Variants in MAN2A1 observed in about 807,000 individuals in gnomAD.
MAN2A1 encodes mannosidase alpha class 2A member 1.
MAN2A1 carries 76 observed loss-of-function variants against 142.6 expected under a neutral mutation model. That is an observed-to-expected ratio of 0.53 (90% CI 0.44 to 0.65). The LOEUF is 0.65. Among genes scored for constraint, MAN2A1 ranks in the 30% least tolerant of loss-of-function variants. The pLI is 0.00. For synonymous variants in MAN2A1, 559 were observed against 473.2 expected, an observed-to-expected ratio of 1.18 and a Z score of -2.35; for missense variants, 1,311 against 1,365.1, an observed-to-expected ratio of 0.96 and a Z score of 0.62.
At chr5:109,752,666 G>A (rs533906849) in intron 4 of MAN2A1, among the ~76,000 whole-genome samples, 121 of 152,302 alleles carry the variant, frequency 7.9e-4, no homozygotes, top group Middle Eastern at 3.4e-3. Flanking sequence ...AGCTATGAGG[G>A]CAGTTGAGAC....
At chr5:109,775,026 T>A in intron 8 of MAN2A1, 61 bp downstream of exon 8, 1 of 1,147,124 alleles carries the variant, frequency 8.7e-7, no homozygotes, top group Non-Finnish European at 1.2e-6. Context: ...TAAATGAGAC[T>A]ATAAACAGAA....
chr5:109,798,281 A>G (rs375841232), intron 12 of MAN2A1, among the ~76,000 whole-genome samples: 1 of 152,172 alleles, frequency 6.6e-6, no homozygotes, highest in Non-Finnish European at 1.5e-5. Context: ...AAAAATACCA[A>G]CTTCTGGTGA....
At chr5:109,696,666 A>G (rs183266010) in intron 1 of MAN2A1, among the ~76,000 whole-genome samples, 215 of 152,302 alleles carry the variant, frequency 1.4e-3, no homozygotes, top group African/African-American at 5.0e-3. Context: ...CCCTAGTTGT[A>G]GGAACCAACA....
At chr5:109,817,190 G>GTATATGTATATGTATATGTATATA in intron 12 of MAN2A1, 83 bp from the exon 13 acceptor site, 1 of 696,666 alleles carries the variant, frequency 1.4e-6, no homozygotes. Flanking sequence ...ATATGTATAT[G>GTATATGTATATGTATATGTATATA]TATATGTATA....
intron 7 of MAN2A1, among the ~76,000 whole-genome samples, chr5:109,773,901 GCTTTGT>G (rs1203082001): frequency 8.5e-5 from 13 of 152,094 alleles, no homozygotes; most frequent in Non-Finnish European, 1.9e-4. Flanking sequence ...GATTTCTTAA[GCTTTGT>G]CTTTGTAAAT....
intron 16 of MAN2A1, among the ~76,000 whole-genome samples, chr5:109,833,658 T>A (rs1580300683): frequency 1.4e-5 from 1 of 71,938 alleles, no homozygotes; most frequent in Non-Finnish European, 2.6e-5. Flanking sequence ...AGGGAGACGG[T>A]GGAGAGAGAG....
chr5:109,705,697 A>C lies in MAN2A1; in HGVS notation c.136-7823A>C, dbSNP rs529654452. On this transcript the variant is annotated intron_variant, in intron 1 of 21. Coordinates refer to ENST00000261483, the MANE Select transcript of MAN2A1 (RefSeq NM_002372.4). ...GTGTTATCATACAGATCTTTAGGTCAGAAGTCTGAAACAGGCCCTACTGGA... is the reference window on the plus strand; with the variant it reads ...GTGTTATCATACAGATCTTTAGGTCCGAAGTCTGAAACAGGCCCTACTGGA... Among the ~76,000 whole-genome samples the C allele has an allele frequency of 2.6e-5, 4 of 152,374 alleles. No homozygotes were observed. The South Asian group carries it at 8.3e-4, about 32-fold the overall frequency.
intron 5 of MAN2A1, among the ~76,000 whole-genome samples, chr5:109,763,897 G>A (rs561223839): frequency 1.3e-5 from 2 of 152,000 alleles, no homozygotes; most frequent in African/African-American, 4.8e-5. Context: ...CGCCTGCTGG[G>A]TTCAAGTGAC....
chr5:109,710,535 C>T (rs554890146), intron 1 of MAN2A1, among the ~76,000 whole-genome samples: 2 of 151,010 alleles, frequency 1.3e-5, no homozygotes, highest in African/African-American at 4.9e-5. Flanking sequence ...GACGGAGTCT[C>T]GCTTTATCGC....
chr5:109,711,118 G>GC (rs1751288874), intron 1 of MAN2A1, among the ~76,000 whole-genome samples: 2 of 152,186 alleles, frequency 1.3e-5, no homozygotes, highest in Admixed American at 1.3e-4. Flanking sequence ...GAGCCACCGT[G>GC]CCCGGACAAA....
At chr5:109,792,687 T>C (rs766100742) in intron 12 of MAN2A1, among the ~76,000 whole-genome samples, 3 of 152,072 alleles carry the variant, frequency 2.0e-5, no homozygotes, top group Non-Finnish European at 2.9e-5. Context: ...TCTCATACCA[T>C]TGCAGGCAAT....
At chr5:109,799,926 GA>G (rs1007561255) in intron 12 of MAN2A1, among the ~76,000 whole-genome samples, 2 of 151,520 alleles carry the variant, frequency 1.3e-5, no homozygotes, top group African/African-American at 4.8e-5. Context: ...TACCTCTACA[GA>G]AAATACAAAA....
chr5:109,836,958 T>C lies in MAN2A1; in HGVS notation c.2567-5370T>C, dbSNP rs577820395. ...ATACAAATGCTACATTTAGCTTTTT[T>C]CTTCTGATGTTTCTCTGCCAAGAGA... On this transcript the variant is annotated intron_variant, in intron 16 of 21. Coordinates refer to ENST00000261483, the MANE Select transcript of MAN2A1 (RefSeq NM_002372.4). Among the ~76,000 whole-genome samples the C allele has an allele frequency of 2.0e-5, 3 of 152,026 alleles. No homozygotes were observed. The South Asian group carries it at 6.3e-4, about 32-fold the overall frequency.
chr5:109,780,411 G>C (rs114186100), intron 8 of MAN2A1, among the ~76,000 whole-genome samples: 3,969 of 152,124 alleles, frequency 0.026, 78 homozygotes, highest in Non-Finnish European at 0.04. Flanking sequence ...GATAGACAGA[G>C]AAGTTATGTA....
intron 1 of MAN2A1, among the ~76,000 whole-genome samples, chr5:109,698,691 C>G (rs1377703067): frequency 6.6e-6 from 1 of 152,158 alleles, no homozygotes; most frequent in Non-Finnish European, 1.5e-5. Context: ...TAAATTTGAC[C>G]CTGTCCTATG....
chr5:109,839,424 T>C (rs1755141625), intron 16 of MAN2A1, among the ~76,000 whole-genome samples: 1 of 152,092 alleles, frequency 6.6e-6, no homozygotes, highest in South Asian at 2.1e-4. Context: ...GGGTCATCTA[T>C]CTTTGCAGGT....
At chr5:109,706,233 A>G (rs1347766119) in intron 1 of MAN2A1, among the ~76,000 whole-genome samples, 1 of 152,234 alleles carries the variant, frequency 6.6e-6, no homozygotes, top group Non-Finnish European at 1.5e-5. Flanking sequence ...AGAGTTACAT[A>G]GCCAGTAAGT....
chr5:109,830,810 G>A (rs185858933), intron 16 of MAN2A1, among the ~76,000 whole-genome samples: 1 of 152,260 alleles, frequency 6.6e-6, no homozygotes, highest in East Asian at 1.9e-4. Context: ...GTAGCTATGT[G>A]ACGAATCTGA....
At chr5:109,710,630 G>T (rs1033159513) in intron 1 of MAN2A1, among the ~76,000 whole-genome samples, 5 of 151,758 alleles carry the variant, frequency 3.3e-5, no homozygotes, top group African/African-American at 1.2e-4. Flanking sequence ...TCAGCCTTCC[G>T]AGTATCTGGG....
Sources: gnomAD v4.1 joint callset for allele counts (sites outside exome capture counted in the v4.1 genomes callset) on GRCh38, gnomAD v4.1.1 for gene constraint, MANE v1.5 for transcripts, NCBI Gene and HGNC (gene_info 2026-07-23, HGNC 2026-07-21) for gene names.